Variants in VPS13B observed in about 807,000 individuals in gnomAD.
The protein encoded by VPS13B is intermembrane lipid transfer protein VPS13B.
Under a neutral mutation model 426.4 loss-of-function variants are expected in VPS13B, and 285 were observed. That is an observed-to-expected ratio of 0.67 (90% CI 0.61 to 0.74). The LOEUF is 0.74. Among genes scored for constraint, VPS13B ranks in the 30% least tolerant of loss-of-function variants. VPS13B has a pLI of 0.00. For missense variants in VPS13B, 4,537 were observed against 4,782.6 expected (o/e 0.95, Z 1.51); for synonymous variants, 1,676 against 1,676.4 (o/e 1.00, Z 0.01).
intron 29 of VPS13B, among the ~76,000 whole-genome samples, chr8:99,517,422 C>G (rs1324882500): frequency 6.6e-6 from 1 of 152,016 alleles, no homozygotes; most frequent in African/African-American, 2.4e-5. Flanking sequence ...CACTCTCTTG[C>G]CCCAAGAAAA....
At chr8:99,193,098 TG>T (rs780760009) in intron 17 of VPS13B, 41 bp downstream of exon 17, 4 of 1,595,434 alleles carry the variant, frequency 2.5e-6, no homozygotes, top group Non-Finnish European at 3.4e-6. Context: ...GGAAAATTTG[TG>T]TTAGAGGCAA....
At chr8:99,188,053 ATTTT>A (rs60360700) in intron 16 of VPS13B, among the ~76,000 whole-genome samples, 83 of 112,764 alleles carry the variant, frequency 7.4e-4, no homozygotes, top group Admixed American at 1.1e-3. Flanking sequence ...TTGTTTGGAC[ATTTT>A]TTTTTTTTTT....
chr8:99,673,796 A>G (rs1480323888), intron 35 of VPS13B, among the ~76,000 whole-genome samples: 1 of 151,938 alleles, frequency 6.6e-6, no homozygotes, highest in Non-Finnish European at 1.5e-5. Flanking sequence ...GTTTAGGTAT[A>G]TGGAAACACC....
At chr8:99,335,901 G>A (rs1223247792) in intron 19 of VPS13B, among the ~76,000 whole-genome samples, 1 of 152,122 alleles carries the variant, frequency 6.6e-6, no homozygotes, top group South Asian at 2.1e-4. Context: ...CATGCTCATG[G>A]GTAGGAAGAA....
Position 99,111,233 on chromosome 8 carries a change from AT to A in VPS13B, c.720del (p.Phe240LeufsTer6). 6.2e-7 allele frequency: 1 copy of A among 1,602,654 alleles called. No homozygotes were observed. Among genetic ancestry groups the A allele is most frequent in the Non-Finnish European group, 8.5e-7 (1 of 1,175,718 alleles). ...AAATGTTCCTTCAGAACTCGTCTTC[AT>A]TTTACATATGAAAACCTAAATTCCA... Reference protein sequence around the residue: ...LYKCSFRTRLHFTYENLNSKM... With the variant: ...LYKCSFRTRLXFTYENLNSKM... On this transcript the variant is annotated frameshift_variant, in exon 6 of 62. Coordinates refer to ENST00000357162, the MANE Select transcript of VPS13B (RefSeq NM_152564.5). LOFTEE classifies it high-confidence loss of function.
intron 17 of VPS13B, among the ~76,000 whole-genome samples, chr8:99,267,457 C>A (rs138232432): frequency 3.3e-5 from 5 of 152,062 alleles, no homozygotes; most frequent in Non-Finnish European, 5.9e-5. Flanking sequence ...CGGCTGGACA[C>A]GATGGCTCAT....
At chr8:99,206,852 A>G (rs1451105796) in intron 17 of VPS13B, among the ~76,000 whole-genome samples, 2 of 151,832 alleles carry the variant, frequency 1.3e-5, no homozygotes, top group African/African-American at 4.8e-5. Flanking sequence ...CCCCAACACC[A>G]TCATGTCTGC....
chr8:99,388,627 G>A (rs1814257708), intron 20 of VPS13B, among the ~76,000 whole-genome samples: 1 of 152,156 alleles, frequency 6.6e-6, no homozygotes, highest in Non-Finnish European at 1.5e-5. Flanking sequence ...TACTTATTTT[G>A]ATGTTTTTGA....
intron 33 of VPS13B, among the ~76,000 whole-genome samples, chr8:99,612,361 C>T (rs568062171): frequency 6.6e-6 from 1 of 152,202 alleles, no homozygotes; most frequent in South Asian, 2.1e-4. Flanking sequence ...CACAAAAGTA[C>T]TCAGTAAATG....
At chr8:99,628,804 A>T (rs192937416) in intron 33 of VPS13B, among the ~76,000 whole-genome samples, 3 of 151,512 alleles carry the variant, frequency 2.0e-5, no homozygotes, top group Admixed American at 2.0e-4. Context: ...GGCAGACAGG[A>T]TCTCGCTTTG....
rs146413033 is a variant in VPS13B, at chr8:99,835,086, C to T, written c.9615-111C>T. Reference sequence around the variant, plus strand: ...AAGGAATCTCCCCTGAGTTATAAAACAGATATTTTCGAGTTCTGAATGTTG... The same window carrying T: ...AAGGAATCTCCCCTGAGTTATAAAATAGATATTTTCGAGTTCTGAATGTTG... On this transcript the variant is annotated intron_variant, in intron 52 of 61. Transcript: ENST00000357162. The T allele has an allele frequency of 6.3e-5, 85 of 1,350,886 alleles. No homozygotes were observed. The East Asian group carries it at 1.9e-3, about 30-fold the overall frequency. The allele number at this position is 1,350,886 out of a possible 1,614,324, so 83.7% of individuals were successfully genotyped here. A position where few individuals can be genotyped will look rare whatever the true frequency, so the allele number is the denominator to read the frequency against.
rs1390617454 is a variant in VPS13B at position 99,286,350 on chromosome 8, T to C, written c.2824+11096T>C. ...ATTTTTAAATGTAAAATCATAACTC[T>C]CATATAGAAATAAGACAAGTGCTAA... On this transcript the variant is annotated intron_variant, in intron 19 of 61. Coordinates refer to ENST00000357162, the MANE Select transcript of VPS13B (RefSeq NM_152564.5). Among the ~76,000 whole-genome samples, 3 of 152,168 alleles carry C rather than the reference T, an allele frequency of 2.0e-5. No individual in the cohort carries two copies. In the East Asian group the frequency reaches 5.8e-4, roughly 29 times the overall value.
At chr8:99,798,437 T>C (rs1812965518) in intron 43 of VPS13B, among the ~76,000 whole-genome samples, 1 of 152,164 alleles carries the variant, frequency 6.6e-6, no homozygotes, top group Admixed American at 6.5e-5. Flanking sequence ...AAGTTTAGGG[T>C]TGAGTTTTCC....
intron 19 of VPS13B, among the ~76,000 whole-genome samples, chr8:99,285,665 A>G (rs569949345): frequency 2.0e-5 from 3 of 152,140 alleles, no homozygotes; most frequent in South Asian, 2.1e-4. Flanking sequence ...TTAAGACCCA[A>G]TGACATTAGC....
chr8:99,777,179 G>A (rs1235085398), intron 41 of VPS13B, among the ~76,000 whole-genome samples: 1 of 152,158 alleles, frequency 6.6e-6, no homozygotes, highest in Non-Finnish European at 1.5e-5. Context: ...GTATTGAGCT[G>A]ACATGTTTTT....
intron 24 of VPS13B, among the ~76,000 whole-genome samples, chr8:99,472,800 G>A (rs769753561): frequency 1.7e-4 from 26 of 151,972 alleles, no homozygotes; most frequent in Admixed American, 5.2e-4. Flanking sequence ...AAATAATAGA[G>A]AGGGAGAAAA....
chr8:99,643,016 G>A (rs1476895260), intron 34 of VPS13B, among the ~76,000 whole-genome samples: 1 of 152,088 alleles, frequency 6.6e-6, no homozygotes, highest in Non-Finnish European at 1.5e-5. Context: ...TATTGATGTT[G>A]GCTAATTTGC....
At chr8:99,287,989 GT>G (rs1169428646) in intron 19 of VPS13B, among the ~76,000 whole-genome samples, 1 of 151,854 alleles carries the variant, frequency 6.6e-6, no homozygotes, top group Non-Finnish European at 1.5e-5. Context: ...TCCAAGATGC[GT>G]TTGAAAGACT....
intron 17 of VPS13B, among the ~76,000 whole-genome samples, chr8:99,217,139 C>T (rs1453186095): frequency 6.6e-6 from 1 of 152,100 alleles, no homozygotes; most frequent in Non-Finnish European, 1.5e-5. Flanking sequence ...ATCAAAACAA[C>T]TGTAACAGAT....
Sources: gnomAD v4.1 joint callset for allele counts (sites outside exome capture counted in the v4.1 genomes callset) on GRCh38, gnomAD v4.1.1 for gene constraint, MANE v1.5 for transcripts, NCBI Gene and HGNC (gene_info 2026-07-23, HGNC 2026-07-21) for gene names.